Variants in R3HDM2 observed in about 807,000 individuals in gnomAD.
R3HDM2 encodes the protein R3H domain containing 2, also known as R3H domain-containing protein 2.
R3HDM2 carries 38 observed loss-of-function variants against 124.5 expected under a neutral mutation model. The observed-to-expected ratio is 0.31, with a 90% CI of 0.24 to 0.40. The LOEUF is 0.40. Ranked by LOEUF, R3HDM2 falls within the 10% of genes least tolerant of loss-of-function variation. The pLI, the probability that R3HDM2 is intolerant of heterozygous loss-of-function variation, is 1.00. For synonymous variants in R3HDM2, 391 were observed against 448.0 expected (o/e 0.87, Z 1.61); for missense variants, 869 against 1,236.9 (o/e 0.70, Z 4.46).
At chr12:57,255,326 A>G (rs995350105) in intron 23 of R3HDM2, among the ~76,000 whole-genome samples, 8 of 152,230 alleles carry the variant, frequency 5.3e-5, no homozygotes, top group African/African-American at 1.9e-4. Context: ...CTATTCTCCT[A>G]GCCCAGAGAT....
Position 57,422,396 on chromosome 12 carries a change from A to G in R3HDM2, c.-106+8324T>C, listed in dbSNP as rs73344045. On this transcript the variant is annotated intron_variant, in intron 1 of 23. Transcript: ENST00000402412. Reference sequence around the variant, plus strand: ...TTTCTGTAATTCCCACAAGAATCCCATATGTAGCCTCATCCCATTCCGTGC... The same window carrying G: ...TTTCTGTAATTCCCACAAGAATCCCGTATGTAGCCTCATCCCATTCCGTGC... Among the ~76,000 whole-genome samples the G allele has an allele frequency of 2.1e-3, 320 of 152,292 alleles. 1 individual carries two copies. The highest frequency in any genetic ancestry group is 7.4e-3 in the African/African-American group (306 of 41,558).
chr12:57,381,824 CAG>C, intron 2 of R3HDM2, among the ~76,000 whole-genome samples: 1 of 151,780 alleles, frequency 6.6e-6, no homozygotes, highest in African/African-American at 2.4e-5. Flanking sequence ...GAGAGAGAGA[CAG>C]AGACATAAAC....
intron 2 of R3HDM2, among the ~76,000 whole-genome samples, chr12:57,361,969 CAA>C (rs2062013910): frequency 6.6e-6 from 1 of 152,036 alleles, no homozygotes. Context: ...CCCGTATCTA[CAA>C]AAAATACAAA....
chr12:57,346,165 A>T (rs2060069488), intron 2 of R3HDM2, among the ~76,000 whole-genome samples: 1 of 149,828 alleles, frequency 6.7e-6, no homozygotes, highest in Non-Finnish European at 1.5e-5. Flanking sequence ...CTCAAAAAAA[A>T]AAAAAAAAAG....
intron 21 of R3HDM2, among the ~76,000 whole-genome samples, chr12:57,256,775 T>C (rs909010808): frequency 4.0e-5 from 6 of 151,852 alleles, no homozygotes; most frequent in Non-Finnish European, 7.4e-5. Flanking sequence ...CCTATGAAAA[T>C]GACCAGGGAA....
chr12:57,418,058 A>C (rs565351640), intron 1 of R3HDM2: 1 of 627,512 alleles, frequency 1.6e-6, no homozygotes, highest in East Asian at 1.4e-4. Context: ...AGCACTCCAG[A>C]TCCATTTAGA....
chr12:57,265,690 A>C (rs1301183538), intron 19 of R3HDM2, among the ~76,000 whole-genome samples: 1 of 152,068 alleles, frequency 6.6e-6, no homozygotes, highest in Non-Finnish European at 1.5e-5. Context: ...GCTGGAGTGC[A>C]ATGGCACGAT....
chr12:57,404,903 A>G (rs900700435), intron 1 of R3HDM2, among the ~76,000 whole-genome samples: 8 of 152,198 alleles, frequency 5.3e-5, no homozygotes, highest in Non-Finnish European at 1.0e-4. Context: ...AAAAAACAAG[A>G]TATCTATAAT....
intron 2 of R3HDM2, among the ~76,000 whole-genome samples, chr12:57,321,332 TTACTGTACA>T: frequency 6.6e-6 from 1 of 152,304 alleles, no homozygotes; most frequent in East Asian, 1.9e-4. Flanking sequence ...TTGCTCAACC[TTACTGTACA>T]TACTGAGACA....
intron 2 of R3HDM2, among the ~76,000 whole-genome samples, chr12:57,360,038 TATATATATA>T: frequency 1.1e-5 from 1 of 88,128 alleles, no homozygotes; most frequent in South Asian, 3.4e-4. Context: ...CATATATATA[TATATATATA>T]TTTTTTTTTT....
At chr12:57,326,503 T>C (rs2136439522) in intron 2 of R3HDM2, among the ~76,000 whole-genome samples, 1 of 152,362 alleles carries the variant, frequency 6.6e-6, no homozygotes, top group Non-Finnish European at 1.5e-5. Context: ...GTGAGGAAGC[T>C]GCAGAAGAAA....
intron 1 of R3HDM2, 110 bp downstream of exon 1, chr12:57,430,610 G>A (rs1325570809): frequency 1.0e-6 from 1 of 984,540 alleles, no homozygotes; most frequent in Non-Finnish European, 1.2e-6. Flanking sequence ...GCTGCCGGGC[G>A]CGAGGAACCC....
chr12:57,414,831 CAA>C, intron 1 of R3HDM2, among the ~76,000 whole-genome samples: 1 of 133,144 alleles, frequency 7.5e-6, no homozygotes, highest in Non-Finnish European at 1.6e-5. Flanking sequence ...AAAACTTTGT[CAA>C]AAAAAAAAAA....
chr12:57,359,622 T>A (rs1366448998), intron 2 of R3HDM2, among the ~76,000 whole-genome samples: 1 of 152,202 alleles, frequency 6.6e-6, no homozygotes, highest in East Asian at 1.9e-4. Context: ...GGCTGGGTCG[T>A]GCTTTTAGAT....
At chr12:57,353,257 A>G (rs1178054935) in intron 2 of R3HDM2, among the ~76,000 whole-genome samples, 1 of 152,160 alleles carries the variant, frequency 6.6e-6, no homozygotes, top group Non-Finnish European at 1.5e-5. Flanking sequence ...TACTTAGTAT[A>G]TACAAAGAAT....
At chr12:57,268,858 G>A in intron 17 of R3HDM2, 64 bp downstream of exon 17, 1 of 1,559,792 alleles carries the variant, frequency 6.4e-7, no homozygotes. Flanking sequence ...GATGACCCTG[G>A]GAGGCTCTCC....
At chr12:57,336,366 A>G (rs1477932818) in intron 2 of R3HDM2, among the ~76,000 whole-genome samples, 1 of 152,178 alleles carries the variant, frequency 6.6e-6, no homozygotes, top group African/African-American at 2.4e-5. Flanking sequence ...TGTTCACTGC[A>G]ACACTATTCA....
intron 1 of R3HDM2, among the ~76,000 whole-genome samples, chr12:57,423,924 G>C (rs1227301666): frequency 6.7e-6 from 1 of 149,956 alleles, no homozygotes; most frequent in Admixed American, 6.7e-5. Flanking sequence ...AGGCCAGCCT[G>C]ACCAACATGG....
Position 57,258,936 on chromosome 12 carries a change from C to T in R3HDM2, c.2255G>A (p.Arg752Gln), listed in dbSNP as rs199873508. ...SHCKYYSMDQ[R>Q]GQKPGDLYSP... Reference sequence around the variant, plus strand: ...GTACAGGTCTCCAGGCTTCTGCCCCCGCTGGTCCATGCTGTAGTATTTACA... The same window carrying T: ...GTACAGGTCTCCAGGCTTCTGCCCCTGCTGGTCCATGCTGTAGTATTTACA... Residue 752 changes from arginine (R) to glutamine (Q), a missense_variant, in exon 20 of 24, where the codon CGG becomes CAG. By Grantham distance (43) the Arg-to-Gln change is conservative. Around this residue, in one of 2 missense-constraint regions of R3HDM2, gnomAD observed 602 missense variants for 789.2 expected, o/e 0.76. Coordinates refer to ENST00000402412, the MANE Select transcript of R3HDM2 (RefSeq NM_001394031.1). 2.8e-5 allele frequency: 45 copies of T among 1,611,560 alleles called. No individual in the cohort carries two copies. The highest frequency in any genetic ancestry group is 3.5e-5 in the Non-Finnish European group (41 of 1,179,588).
Sources: allele counts gnomAD v4.1 joint callset (sites outside exome capture counted in the v4.1 genomes callset), GRCh38; gene constraint gnomAD v4.1.1; regional missense constraint gnomAD v4.1.1; transcripts MANE v1.5; gene names NCBI Gene and HGNC (gene_info 2026-07-23, HGNC 2026-07-21).